Variants in PLCE1 observed in about 807,000 individuals in gnomAD.
PLCE1 encodes 1-phosphatidylinositol 4,5-bisphosphate phosphodiesterase epsilon-1.
Under a neutral mutation model 242.8 loss-of-function variants are expected in PLCE1, and 119 were observed. That is an observed-to-expected ratio of 0.49 (90% CI 0.42 to 0.57). PLCE1 has a LOEUF of 0.57. Ranked by LOEUF, PLCE1 falls within the 20% of genes least tolerant of loss-of-function variation. PLCE1 has a pLI of 0.00. For missense variants in PLCE1, 2,441 were observed against 2,788.8 expected, an observed-to-expected ratio of 0.88 and a Z score of 2.81; for synonymous variants, 945 against 1,017.4, an observed-to-expected ratio of 0.93 and a Z score of 1.35.
chr10:94,208,439 A>G (rs1036535507), intron 4 of PLCE1, among the ~76,000 whole-genome samples: 1 of 152,240 alleles, frequency 6.6e-6, no homozygotes, highest in Non-Finnish European at 1.5e-5. Context: ...ACTATTCCAG[A>G]TTGGAAGAGA....
chr10:94,204,178 G>A (rs2049069161), intron 4 of PLCE1, among the ~76,000 whole-genome samples: 1 of 152,188 alleles, frequency 6.6e-6, no homozygotes, highest in Non-Finnish European at 1.5e-5. Context: ...TGATGAAAAA[G>A]TTGGGCAGAG....
intron 8 of PLCE1, among the ~76,000 whole-genome samples, 183 bp downstream of exon 8, chr10:94,246,804 C>T (rs539805680): frequency 6.6e-6 from 1 of 152,250 alleles, no homozygotes; most frequent in Non-Finnish European, 1.5e-5. Context: ...AATAATAACA[C>T]CTGCTCACAG....
intron 2 of PLCE1, among the ~76,000 whole-genome samples, chr10:94,072,388 T>C (rs536711000): frequency 3.7e-4 from 56 of 152,234 alleles, no homozygotes; most frequent in African/African-American, 1.3e-3. Context: ...GCCATTCTCC[T>C]GCATCAGCCT....
chr10:94,179,522 T>TGTTTTTG (rs2048236197), intron 4 of PLCE1, among the ~76,000 whole-genome samples: 2 of 19,052 alleles, frequency 1.0e-4, no homozygotes, highest in Non-Finnish European at 3.0e-4. Context: ...GTTTTTTTTT[T>TGTTTTTG]TTTTTTTTGA....
At position 94,030,793 on chromosome 10, in the gene PLCE1, A is replaced by T; in HGVS notation, c.-254A>T. 2.0e-6 allele frequency: 1 copy of T among 498,008 alleles called. No individual in the cohort carries two copies. Among genetic ancestry groups the T allele is most frequent in the Non-Finnish European group, 3.6e-6 (1 of 278,694 alleles). The allele number at this position is 498,008 out of a possible 1,614,324, so 30.8% of individuals were successfully genotyped here. A position where few individuals can be genotyped will look rare whatever the true frequency, so the allele number is the denominator to read the frequency against. ...GTCTTCAAAAAATTTTGCTTCAGGT[A>T]ACAGAGGAAGGAAAATTGATCTACC... On this transcript the variant is annotated 5_prime_UTR_variant, in exon 2 of 33. Coordinates refer to ENST00000371380, the MANE Select transcript of PLCE1 (RefSeq NM_016341.4).
At chr10:94,038,903 C>A (rs1193844851) in intron 2 of PLCE1, among the ~76,000 whole-genome samples, 1 of 152,170 alleles carries the variant, frequency 6.6e-6, no homozygotes, top group Non-Finnish European at 1.5e-5. Context: ...TGCCTCTCCC[C>A]CAGCCCTAAG....
chr10:94,141,525 CTAAGGGAAGGTGAAGGGAAG>C (rs2046955725), intron 3 of PLCE1, among the ~76,000 whole-genome samples: 1 of 32,256 alleles, frequency 3.1e-5, no homozygotes, highest in African/African-American at 8.9e-5. Flanking sequence ...GAAGGGAAGG[CTAAGGGAAGGTGAAGGGAAG>C]GCTAAGGGAA....
intron 1 of PLCE1, among the ~76,000 whole-genome samples, chr10:94,028,547 G>A (rs1029732948): frequency 1.3e-5 from 2 of 152,092 alleles, no homozygotes; most frequent in Non-Finnish European, 1.5e-5. Flanking sequence ...TTCAAGGGGC[G>A]GGGAATTAGG....
At chr10:94,254,779 C>T in intron 10 of PLCE1, 114 bp from the exon 11 acceptor site, 1 of 1,171,018 alleles carries the variant, frequency 8.5e-7, no homozygotes, top group South Asian at 1.2e-5. Flanking sequence ...TGTATAGAAA[C>T]CAGCTGCATA....
chr10:94,331,130 A>G lies in PLCE1; in HGVS notation c.*3187A>G, dbSNP rs1342433257. The G allele has an allele frequency of 6.6e-6, 1 of 152,224 alleles. No homozygotes were observed. Among genetic ancestry groups the G allele is most frequent in the African/African-American group, 2.4e-5 (1 of 41,462 alleles). The allele number at this position is 152,224 out of a possible 1,614,324, so 9.4% of individuals were successfully genotyped here. ...CATTAGCAAGTAAAAGTTATTTACA[A>G]ATTCTCCAGTTGGGAGTCAATATGA... On this transcript the variant is annotated 3_prime_UTR_variant, in exon 33 of 33. Transcript: ENST00000371380.
intron 2 of PLCE1, among the ~76,000 whole-genome samples, chr10:94,076,141 G>A (rs2044493656): frequency 6.6e-6 from 1 of 151,958 alleles, no homozygotes; most frequent in African/African-American, 2.4e-5. Flanking sequence ...GCGTGTGTGT[G>A]TGTGTGTGTG....
At chr10:94,115,561 T>A (rs1459644310) in intron 2 of PLCE1, among the ~76,000 whole-genome samples, 1 of 152,266 alleles carries the variant, frequency 6.6e-6, no homozygotes, top group South Asian at 2.1e-4. Context: ...TGCATAAATG[T>A]CTTCTTCTGA....
At chr10:94,225,626 G>A (rs2049913137) in intron 4 of PLCE1, among the ~76,000 whole-genome samples, 1 of 152,238 alleles carries the variant, frequency 6.6e-6, no homozygotes, top group South Asian at 2.1e-4. Context: ...GCAAGATTCT[G>A]TCTAAAAAAG....
chr10:94,331,706 A>G lies in PLCE1; in HGVS notation c.*3763A>G, dbSNP rs954437725. ...ATACAGAGTCTAGACTTGGGTCAATATTCCCCATGATCCATTGTTAATAAT... is the reference window on the plus strand; with the variant it reads ...ATACAGAGTCTAGACTTGGGTCAATGTTCCCCATGATCCATTGTTAATAAT... On this transcript the variant is annotated 3_prime_UTR_variant, in exon 33 of 33. Transcript: ENST00000371380. 1 of 152,158 alleles carries G rather than the reference A, an allele frequency of 6.6e-6. No homozygotes were observed. Among genetic ancestry groups the G allele is most frequent in the African/African-American group, 2.4e-5 (1 of 41,424 alleles). 9.4% of individuals were successfully genotyped at this position (152,158 alleles called of 1,614,324 possible). A position where few individuals can be genotyped will look rare whatever the true frequency, so the allele number is the denominator to read the frequency against.
At chr10:94,302,126 T>A (rs576392924) in intron 24 of PLCE1, among the ~76,000 whole-genome samples, 64 of 152,318 alleles carry the variant, frequency 4.2e-4, no homozygotes, top group Non-Finnish European at 2.9e-5. Context: ...TCTGGGACCA[T>A]GTCCAGGGGA....
At chr10:94,113,736 G>A (rs866396266) in intron 2 of PLCE1, among the ~76,000 whole-genome samples, 5 of 152,284 alleles carry the variant, frequency 3.3e-5, no homozygotes, top group African/African-American at 7.2e-5. Context: ...GCAATGTGAC[G>A]ATGCGGGAAT....
intron 2 of PLCE1, among the ~76,000 whole-genome samples, chr10:94,036,009 G>T (rs749623298): frequency 6.6e-6 from 1 of 152,136 alleles, no homozygotes; most frequent in Non-Finnish European, 1.5e-5. Flanking sequence ...GAGAATAAGG[G>T]CAATGTAATG....
In PLCE1 at chr10:94,259,061, T is replaced by C. The variant is rs770420406; in HGVS notation, c.3725T>C (p.Val1242Ala). ...DLKDLFDVYA[V>A]PCNRSGSESA... is the part of the protein sequence containing the mutation. The stretch of plus-strand genomic sequence containing the variant: ...AAGGATCTGTTTGATGTCTATGCAG[T>C]GCCCTGCAACCGATCTGGCTCCGAG... Residue 1242 changes from valine to alanine, a missense_variant, in exon 13 of 33, where the codon GTG (valine) becomes GCG (alanine). By Grantham distance (64) the Val-to-Ala change is moderately conservative (BLOSUM62 0). This residue lies in a region of PLCE1 where 1,004 missense variants were observed against 1,322.7 expected (regional missense o/e 0.76). Coordinates refer to ENST00000371380, the MANE Select transcript of PLCE1 (RefSeq NM_016341.4). 1.2e-6 allele frequency: 2 copies of C among 1,614,046 alleles called. No individual in the cohort carries two copies. The highest frequency in any genetic ancestry group is 3.3e-5 in the Admixed American group (2 of 60,022).
intron 11 of PLCE1, among the ~76,000 whole-genome samples, chr10:94,257,722 G>C (rs2051149634): frequency 6.6e-6 from 1 of 152,204 alleles, no homozygotes; most frequent in African/African-American, 2.4e-5. Context: ...ATTGAACAAT[G>C]AGAACACTTG....
Sources: allele counts gnomAD v4.1 joint callset (sites outside exome capture counted in the v4.1 genomes callset), GRCh38; gene constraint gnomAD v4.1.1; regional missense constraint gnomAD v4.1.1; transcripts MANE v1.5; gene names NCBI Gene and HGNC (gene_info 2026-07-23, HGNC 2026-07-21).